SERPINH1: variants seen among roughly 807,000 people sequenced by gnomAD.
The protein encoded by SERPINH1 is serpin H1.
A neutral mutation model predicts 32.3 loss-of-function variants in SERPINH1; 22 were observed. That is an observed-to-expected ratio of 0.68 (90% CI 0.49 to 0.97). The LOEUF (loss-of-function observed/expected upper bound fraction) is 0.97. SERPINH1 is among the 50% of genes least tolerant of loss of function. The pLI is 0.00. For synonymous variants in SERPINH1, 251 were observed against 245.9 expected, an observed-to-expected ratio of 1.02 and a Z score of -0.19; for missense variants, 543 against 576.4, an observed-to-expected ratio of 0.94 and a Z score of 0.59.
chr11:75,564,493 A>C (rs1234576570), intron 1 of SERPINH1, among the ~76,000 whole-genome samples: 1 of 152,078 alleles, frequency 6.6e-6, no homozygotes, highest in Non-Finnish European at 1.5e-5. Flanking sequence ...GTGGCTTTTG[A>C]GTAGGGTGGC....
chr11:75,570,159 TCG>T (rs1180127946), intron 4 of SERPINH1, among the ~76,000 whole-genome samples: 1 of 152,086 alleles, frequency 6.6e-6, no homozygotes, highest in African/African-American at 2.4e-5. Context: ...TTTTTGTCAA[TCG>T]AGAGATATTT....
rs757737859 is a variant in SERPINH1 at position 75,566,658 on chromosome 11, C to T, written c.309C>T (p.Arg103=). The T allele has an allele frequency of 2.1e-5, 33 of 1,607,528 alleles. No homozygotes were observed. The highest frequency in any genetic ancestry group is 2.7e-5 in the Non-Finnish European group (32 of 1,178,032). The part of the protein sequence containing the change: ...AKAVLSAEQL[R]DEEVHAGLGE... Reference sequence around the variant, plus strand: ...CAGTGCTGAGCGCCGAGCAGCTGCGCGACGAGGAGGTGCACGCCGGCCTGG... The same window carrying T: ...CAGTGCTGAGCGCCGAGCAGCTGCGTGACGAGGAGGTGCACGCCGGCCTGG... Residue 103 remains arginine (R), a synonymous_variant, in exon 2 of 5, where the codon CGC becomes CGT. Transcript: ENST00000358171.
At position 75,566,684 on chromosome 11, in the gene SERPINH1, G is replaced by T; in HGVS notation, c.335G>T (p.Gly112Val). The T allele has an allele frequency of 6.2e-7, 1 of 1,609,460 alleles. No homozygotes were observed. The highest frequency in any genetic ancestry group is 8.5e-7 in the Non-Finnish European group (1 of 1,178,484). ...LRDEEVHAGL[G>V]ELLRSLSNST... The stretch of plus-strand genomic sequence containing the variant: ...GACGAGGAGGTGCACGCCGGCCTGG[G>T]CGAGCTGCTGCGCTCACTCAGCAAC... The change falls in exon 2 of 5, where the codon GGC becomes GTC. Residue 112 changes from glycine to valine, a missense_variant. By Grantham distance (109) the Gly-to-Val change is moderately radical. Coordinates refer to ENST00000358171, the MANE Select transcript of SERPINH1 (RefSeq NM_001235.5).
intron 4 of SERPINH1, 77 bp from the exon 5 acceptor site, chr11:75,571,704 A>C: frequency 7.4e-7 from 1 of 1,347,674 alleles, no homozygotes; most frequent in Non-Finnish European, 1.1e-6. Flanking sequence ...CGGTCAGGGT[A>C]GTATGGGGTG....
At position 75,572,766 on chromosome 11, in the gene SERPINH1, A is replaced by T. The variant is rs1308037685; in HGVS notation, c.*683A>T. 1 of 153,790 alleles carries T rather than the reference A, an allele frequency of 6.5e-6. No individual in the cohort carries two copies. Among genetic ancestry groups the T allele is most frequent in the African/African-American group, 2.4e-5 (1 of 41,404 alleles). The allele number at this position is 153,790 out of a possible 1,614,324, so 9.5% of individuals were successfully genotyped here. A position where few individuals can be genotyped will look rare whatever the true frequency, so the allele number is the denominator to read the frequency against. ...TTATTTGTACATTTTTTTTTTCAAT[A>T]AAACTTTTCCAATGACATTTTGTTG... On this transcript the variant is annotated 3_prime_UTR_variant, in exon 5 of 5. Transcript: ENST00000358171.
Position 75,568,769 on chromosome 11 carries a change from A to T in SERPINH1, c.661A>T (p.Asn221Tyr), listed in dbSNP as rs778537327. ...DEKFHHKMVDNRGFMVTRSYT... is the reference protein window; with the variant it reads ...DEKFHHKMVDYRGFMVTRSYT... ...GAAATTCCACCACAAGATGGTGGAC[A>T]ACCGTGGCTTCATGGTGACTCGGTC... The change falls in exon 3 of 5, where the codon AAC becomes TAC. Residue 221 changes from asparagine (N) to tyrosine (Y), a missense_variant. This residue lies in a region of SERPINH1 where 427 missense variants were observed against 446.4 expected (regional missense o/e 0.96). Transcript: ENST00000358171. 6.2e-7 allele frequency: 1 copy of T among 1,613,842 alleles called. No homozygotes were observed. The highest frequency in any genetic ancestry group is 8.5e-7 in the Non-Finnish European group (1 of 1,179,992).
chr11:75,568,678 T>C, intron 2 of SERPINH1, 53 bp from the exon 3 acceptor site: 1 of 1,230,698 alleles, frequency 8.1e-7, no homozygotes, highest in Non-Finnish European at 1.2e-6. Context: ...GGGCTGTGAT[T>C]GTGTTTGGGG....
Position 75,568,786 on chromosome 11 carries a change from G to A in SERPINH1, c.678G>A (p.Val226=), listed in dbSNP as rs369251719. 2.2e-5 allele frequency: 36 copies of A among 1,613,948 alleles called. No individual in the cohort carries two copies. Among genetic ancestry groups the A allele is most frequent in the Non-Finnish European group, 3.0e-5 (35 of 1,180,008 alleles). ...HKMVDNRGFM[V]TRSYTVGVMM... is the part of the protein sequence containing the mutation. ...TGGTGGACAACCGTGGCTTCATGGT[G>A]ACTCGGTCCTATACCGTGGGTGTCA... Residue 226 remains valine, a synonymous_variant, in exon 3 of 5, where the codon GTG becomes GTA. Coordinates refer to ENST00000358171, the MANE Select transcript of SERPINH1 (RefSeq NM_001235.5).
In SERPINH1 at chr11:75,571,806, C is replaced by G; in HGVS notation, c.980C>G (p.Thr327Ser). 6.2e-7 allele frequency: 1 copy of G among 1,614,024 alleles called. No individual in the cohort carries two copies. The highest frequency in any genetic ancestry group is 8.5e-7 in the Non-Finnish European group (1 of 1,180,032). ...LQKHLAGLGL[T>S]EAIDKNKADL... ...AAACACCTGGCTGGGCTGGGCCTGA[C>G]TGAGGCCATTGACAAGAACAAGGCC... Residue 327 changes from threonine (T) to serine (S), a missense_variant, in exon 5 of 5, where the codon ACT becomes AGT. Thr to Ser is a moderately conservative substitution (Grantham distance 58, BLOSUM62 1). Transcript: ENST00000358171.
At chr11:75,567,474 A>G (rs1015043952) in intron 2 of SERPINH1, among the ~76,000 whole-genome samples, 5 of 152,202 alleles carry the variant, frequency 3.3e-5, no homozygotes, top group Non-Finnish European at 7.3e-5. Context: ...GGTGCCTACC[A>G]CCACACCCAG....
rs769054443 is a variant in SERPINH1 at position 75,566,717 on chromosome 11, C to A, written c.368C>A (p.Ala123Glu). The A allele has an allele frequency of 2.5e-6, 4 of 1,612,382 alleles. No individual in the cohort carries two copies. In the East Asian group the frequency reaches 8.9e-5, roughly 36 times the overall value. Reference sequence around the variant, plus strand: ...CTGCGCTCACTCAGCAACTCCACGGCGCGCAACGTGACCTGGAAGCTGGGC... The same window carrying A: ...CTGCGCTCACTCAGCAACTCCACGGAGCGCAACGTGACCTGGAAGCTGGGC... ...ELLRSLSNST[A>E]RNVTWKLGSR... The change falls in exon 2 of 5, where the codon GCG (alanine) becomes GAG (glutamate). Residue 123 changes from alanine to glutamate, a missense_variant. Ala to Glu is a moderately radical substitution (Grantham distance 107). Coordinates refer to ENST00000358171, the MANE Select transcript of SERPINH1 (RefSeq NM_001235.5).
chr11:75,571,779 A>G lies in SERPINH1; in HGVS notation c.955-2A>G. ...ACCTGGCACACCTCCTTGTTCCCAC[A>G]GAAACACCTGGCTGGGCTGGGCCTG... is the stretch of plus-strand genomic sequence containing the variant. On this transcript the variant is annotated splice_acceptor_variant, in intron 4 of 4. Coordinates refer to ENST00000358171, the MANE Select transcript of SERPINH1 (RefSeq NM_001235.5). LOFTEE classifies it high-confidence loss of function. 1 of 1,613,460 alleles carries G rather than the reference A, an allele frequency of 6.2e-7. No homozygotes were observed.
chr11:75,570,541 C>T (rs149686542), intron 4 of SERPINH1, among the ~76,000 whole-genome samples: 130 of 152,270 alleles, frequency 8.5e-4, no homozygotes, highest in African/African-American at 2.9e-3. Flanking sequence ...AAATTTGAGG[C>T]GGATGACGTG....
At chr11:75,570,841 G>A (rs907665401) in intron 4 of SERPINH1, among the ~76,000 whole-genome samples, 11 of 152,230 alleles carry the variant, frequency 7.2e-5, no homozygotes, top group Non-Finnish European at 1.5e-5. Flanking sequence ...GGAAGGTCCA[G>A]GGAGGCACCA....
intron 4 of SERPINH1, among the ~76,000 whole-genome samples, chr11:75,570,413 C>T (rs1439184328): frequency 6.6e-6 from 1 of 152,182 alleles, no homozygotes; most frequent in Non-Finnish European, 1.5e-5. Context: ...CCTGATCCTT[C>T]CCCAGCCCCT....
rs1592199909 is a variant in SERPINH1, at chr11:75,566,376, C to G, written c.27C>G (p.Ala9=). The part of the protein sequence containing the change: MRSLLLLS[A]FCLLEAALAA... ...TGCGCTCCCTCCTGCTTCTCAGCGC[C>G]TTCTGCCTCCTGGAGGCGGCCCTGG... Residue 9 remains alanine (A), a synonymous_variant, in exon 2 of 5, where the codon GCC becomes GCG. Transcript: ENST00000358171. The G allele has an allele frequency of 2.5e-6, 4 of 1,610,350 alleles. No individual in the cohort carries two copies. Among genetic ancestry groups the G allele is most frequent in the Non-Finnish European group, 3.4e-6 (4 of 1,179,072 alleles).
chr11:75,569,680 C>A (rs1942164100), intron 4 of SERPINH1, among the ~76,000 whole-genome samples: 2 of 152,214 alleles, frequency 1.3e-5, no homozygotes. Context: ...GCCTCAGCCT[C>A]CCAAAGTGCT....
rs1228188508 is a variant in SERPINH1 at position 75,572,282 on chromosome 11, T to TA, written c.*200dup. 6 of 639,916 alleles carry TA rather than the reference T, an allele frequency of 9.4e-6. No homozygotes were observed. Among genetic ancestry groups the TA allele is most frequent in the Non-Finnish European group, 1.7e-5 (6 of 354,332 alleles). 39.6% of individuals were successfully genotyped at this position (639,916 alleles called of 1,614,324 possible). A position where few individuals can be genotyped will look rare whatever the true frequency, so the allele number is the denominator to read the frequency against. On this transcript the variant is annotated 3_prime_UTR_variant, in exon 5 of 5. Transcript: ENST00000358171. ...ACTCCACTTGGACATGGGCCCCAGA[T>TA]ACCATGATGCTGAGCCCGGAAACTC... is the stretch of plus-strand genomic sequence containing the variant.
In SERPINH1 at chr11:75,572,243, C is replaced by G; in HGVS notation, c.*160C>G. On this transcript the variant is annotated 3_prime_UTR_variant, in exon 5 of 5. Coordinates refer to ENST00000358171, the MANE Select transcript of SERPINH1 (RefSeq NM_001235.5). ...GTTCCCGTGTGCCTGAGCGGACCTTCCCAGCTAGAATTCACTCCACTTGGA... is the reference window on the plus strand; with the variant it reads ...GTTCCCGTGTGCCTGAGCGGACCTTGCCAGCTAGAATTCACTCCACTTGGA... The G allele has an allele frequency of 1.4e-6, 1 of 720,318 alleles. No individual in the cohort carries two copies. The highest frequency in any genetic ancestry group is 2.4e-6 in the Non-Finnish European group (1 of 411,548). 44.6% of individuals were successfully genotyped at this position (720,318 alleles called of 1,614,324 possible).
Sources: gnomAD v4.1 joint callset for allele counts (sites outside exome capture counted in the v4.1 genomes callset) on GRCh38, gnomAD v4.1.1 for gene constraint, gnomAD v4.1.1 regional missense constraint, MANE v1.5 for transcripts, NCBI Gene and HGNC (gene_info 2026-07-23, HGNC 2026-07-21) for gene names.